FBXO42: variants seen among roughly 807,000 people sequenced by gnomAD.
The protein encoded by FBXO42 is F-box only protein 42.
A neutral mutation model predicts 71.7 loss-of-function variants in FBXO42; 12 were observed. The observed-to-expected ratio is 0.17, with a 90% CI of 0.11 to 0.27. FBXO42 has a LOEUF of 0.27. FBXO42 is among the 10% of genes least tolerant of loss of function. The pLI is 1.00. For missense variants in FBXO42, 707 were observed against 911.9 expected (o/e 0.78, Z 2.89); for synonymous variants, 325 against 327.5 (o/e 0.99, Z 0.08).
chr1:16,340,509 G>A (rs1469936514), intron 1 of FBXO42, among the ~76,000 whole-genome samples: 2 of 151,968 alleles, frequency 1.3e-5, no homozygotes, highest in African/African-American at 4.8e-5. Flanking sequence ...AGTAGAGACG[G>A]GGTTTCACCA....
chr1:16,327,434 C>T (rs1158149304), intron 1 of FBXO42, among the ~76,000 whole-genome samples: 1 of 152,096 alleles, frequency 6.6e-6, no homozygotes, highest in Admixed American at 6.6e-5. Context: ...CTGTCAGAAG[C>T]CTAGCTGAAA....
In FBXO42 at chr1:16,279,291, C is replaced by T. The variant is rs78837957; in HGVS notation, c.502+15492G>A. Among the ~76,000 whole-genome samples, 990 of 152,206 alleles carry T rather than the reference C, an allele frequency of 6.5e-3. 7 individuals carry two copies. Among genetic ancestry groups the T allele is most frequent in the African/African-American group, 0.023 (947 of 41,518 alleles). ...CCTAAAAAAACAAAATTATTTCCAA[C>T]GGAGCTTCTAACTCTGGATAGCTTG... is the stretch of plus-strand genomic sequence containing the variant. On this transcript the variant is annotated intron_variant, in intron 4 of 9. Coordinates refer to ENST00000375592, the MANE Select transcript of FBXO42 (RefSeq NM_018994.3).
chr1:16,332,731 C>G (rs967774702), intron 1 of FBXO42, among the ~76,000 whole-genome samples: 18 of 151,932 alleles, frequency 1.2e-4, no homozygotes, highest in Non-Finnish European at 4.4e-5. Context: ...AGTAGAGATA[C>G]AGTTTCACCA....
At chr1:16,304,664 A>G (rs2082231233) in intron 3 of FBXO42, among the ~76,000 whole-genome samples, 1 of 152,094 alleles carries the variant, frequency 6.6e-6, no homozygotes, top group Admixed American at 6.6e-5. Context: ...TGGAGTAGAG[A>G]AAAATCCAAT....
chr1:16,292,163 C>T (rs981509315), intron 4 of FBXO42, among the ~76,000 whole-genome samples: 1 of 152,156 alleles, frequency 6.6e-6, no homozygotes, highest in African/African-American at 2.4e-5. Flanking sequence ...ATTCCAAATG[C>T]TCTATTTTTA....
chr1:16,324,234 G>A (rs796415397), intron 1 of FBXO42, among the ~76,000 whole-genome samples: 26 of 152,122 alleles, frequency 1.7e-4, no homozygotes, highest in African/African-American at 5.5e-4. Flanking sequence ...TAAAAATACC[G>A]TGCTTATTGC....
At chr1:16,275,683 A>G (rs2081892647) in intron 4 of FBXO42, among the ~76,000 whole-genome samples, 1 of 152,162 alleles carries the variant, frequency 6.6e-6, no homozygotes, top group African/African-American at 2.4e-5. Context: ...CATCTCCTCA[A>G]GGGGGAATGA....
chr1:16,282,478 G>A (rs1389257894), intron 4 of FBXO42, among the ~76,000 whole-genome samples: 3 of 149,834 alleles, frequency 2.0e-5, no homozygotes, highest in South Asian at 2.1e-4. Context: ...CACCCGCCTC[G>A]GCCTCCCAAA....
intron 3 of FBXO42, among the ~76,000 whole-genome samples, chr1:16,300,862 T>C (rs2082184633): frequency 6.6e-6 from 1 of 151,416 alleles, no homozygotes; most frequent in Non-Finnish European, 1.5e-5. Context: ...TGATTAGCTA[T>C]GCACACATTC....
rs538523194 is a variant in FBXO42, at chr1:16,247,979, T to C, written c.*2691A>G. 6.6e-6 allele frequency: 1 copy of C among 152,242 alleles called. No individual in the cohort carries two copies. Among genetic ancestry groups the C allele is most frequent in the South Asian group, 2.1e-4 (1 of 4,818 alleles). 9.4% of individuals were successfully genotyped at this position (152,242 alleles called of 1,614,324 possible). ...GAATGGAAGGGGTTAAAGCTTCAAGTAGAAACAAAATGAATTTTCAATAAA... is the reference window on the plus strand; with the variant it reads ...GAATGGAAGGGGTTAAAGCTTCAAGCAGAAACAAAATGAATTTTCAATAAA... On this transcript the variant is annotated 3_prime_UTR_variant, in exon 10 of 10. Transcript: ENST00000375592.
At chr1:16,343,259 G>A (rs760108299) in intron 1 of FBXO42, among the ~76,000 whole-genome samples, 4 of 152,128 alleles carry the variant, frequency 2.6e-5, no homozygotes, top group Non-Finnish European at 5.9e-5. Context: ...TAGAAGAACT[G>A]CAGGCTAGGC....
Position 16,251,193 on chromosome 1 carries a change from G to A in FBXO42, c.1631C>T (p.Ala544Val), listed in dbSNP as rs758048712. 2 of 1,614,162 alleles carry A rather than the reference G, an allele frequency of 1.2e-6. No individual in the cohort carries two copies. Among genetic ancestry groups the A allele is most frequent in the South Asian group, 2.2e-5 (2 of 91,084 alleles). The change falls in exon 10 of 10, where the codon GCC (alanine) becomes GTC (valine). Residue 544 changes from alanine (A) to valine (V), a missense_variant. Transcript: ENST00000375592. The surrounding 1 kb of genome is among the most constrained non-coding windows in gnomAD (Gnocchi z 4.5). ...TNGVHTPPHV[A>V]SALAGAVSPG... The stretch of plus-strand genomic sequence containing the variant: ...GGAGACGGCCCCTGCAAGGGCACTG[G>A]CCACGTGAGGTGGGGTATGCACACC...
At chr1:16,272,510 T>C (rs185805862) in intron 4 of FBXO42, among the ~76,000 whole-genome samples, 304 of 152,170 alleles carry the variant, frequency 2.0e-3, no homozygotes, top group African/African-American at 7.1e-3. Flanking sequence ...CCACCCGCCT[T>C]GGCCTCCCAA....
At chr1:16,267,898 C>T (rs767707020) in intron 4 of FBXO42, among the ~76,000 whole-genome samples, 6 of 152,134 alleles carry the variant, frequency 3.9e-5, no homozygotes, top group African/African-American at 9.7e-5. Context: ...CAGGCATGAA[C>T]TAAAGGAAAT....
At chr1:16,321,958 C>T (rs114653642) in intron 1 of FBXO42, among the ~76,000 whole-genome samples, 3,589 of 150,510 alleles carry the variant, frequency 0.024, 140 homozygotes, top group African/African-American at 0.082. Flanking sequence ...CACCTGAGGA[C>T]GGGAGCTCAA....
At chr1:16,260,119 G>T (rs1158154114) in intron 4 of FBXO42, among the ~76,000 whole-genome samples, 1 of 151,936 alleles carries the variant, frequency 6.6e-6, no homozygotes, top group Admixed American at 6.6e-5. Flanking sequence ...CAAGAGAAAT[G>T]ACAATTATTG....
intron 4 of FBXO42, among the ~76,000 whole-genome samples, chr1:16,271,238 A>G (rs1002940689): frequency 2.1e-4 from 30 of 145,806 alleles, no homozygotes; most frequent in Admixed American, 6.4e-4. Context: ...ATCCCTAACT[A>G]CTGTGTGCGT....
intron 1 of FBXO42, among the ~76,000 whole-genome samples, chr1:16,347,116 G>C (rs1252719856): frequency 1.3e-5 from 2 of 152,028 alleles, no homozygotes; most frequent in Non-Finnish European, 2.9e-5. Context: ...GATTTATATA[G>C]TGTACATATA....
Position 16,256,739 on chromosome 1 carries a change from C to T in FBXO42, c.523G>A (p.Ala175Thr). 2 of 1,614,144 alleles carry T rather than the reference C, an allele frequency of 1.2e-6. No homozygotes were observed. Among genetic ancestry groups the T allele is most frequent in the African/African-American group, 1.3e-5 (1 of 75,036 alleles). Residue 175 changes from alanine (A) to threonine (T), a missense_variant, in exon 5 of 10, where the codon GCT becomes ACT. Physicochemically the swap from Ala to Thr is moderately conservative, Grantham distance 58. Around this residue, in one of 5 missense-constraint regions of FBXO42, gnomAD observed 188 missense variants for 230.5 expected, o/e 0.82. Coordinates refer to ENST00000375592, the MANE Select transcript of FBXO42 (RefSeq NM_018994.3). ...TTGTACACGACCAGAGTTGCTCCAG[C>T]TTTGGGGGAAGGATAGGACCCTAGG... ...LASGSYPSPK[A>T]GATLVVYKDL...
Sources: gnomAD v4.1 joint callset for allele counts (sites outside exome capture counted in the v4.1 genomes callset) on GRCh38, gnomAD v4.1.1 for gene constraint, gnomAD v4.1.1 regional missense constraint, Gnocchi (gnomAD v3.1) non-coding constraint, MANE v1.5 for transcripts, NCBI Gene and HGNC (gene_info 2026-07-23, HGNC 2026-07-21) for gene names.